TSHZ2: variants seen among roughly 807,000 people sequenced by gnomAD.
The protein encoded by TSHZ2 is teashirt homolog 2.
Under a neutral mutation model 74.4 loss-of-function variants are expected in TSHZ2, and 21 were observed. The observed-to-expected ratio is 0.28, with a 90% confidence interval of 0.20 to 0.41. TSHZ2 has a LOEUF of 0.41. Among genes scored for constraint, TSHZ2 ranks in the 10% least tolerant of loss-of-function variants. TSHZ2 has a pLI of 1.00. For synonymous variants in TSHZ2, 540 were observed against 515.3 expected (o/e 1.05, Z -0.65); for missense variants, 1,244 against 1,293.5 (o/e 0.96, Z 0.59).
At chr20:53,359,411 AT>A (rs757122706) in intron 2 of TSHZ2, among the ~76,000 whole-genome samples, 53 of 152,196 alleles carry the variant, frequency 3.5e-4, no homozygotes, top group Non-Finnish European at 7.6e-4. Context: ...TGATTCTCAA[AT>A]CAAAAAATCT....
chr20:53,266,772 ATTTT>A (rs11344692), intron 2 of TSHZ2, among the ~76,000 whole-genome samples: 2 of 98,758 alleles, frequency 2.0e-5, no homozygotes, highest in Non-Finnish European at 3.9e-5. Context: ...CCGATCGACG[ATTTT>A]TTTTTTTTTT....
At chr20:53,031,135 T>G (rs1344102019) in intron 1 of TSHZ2, among the ~76,000 whole-genome samples, 1 of 152,188 alleles carries the variant, frequency 6.6e-6, no homozygotes, top group Non-Finnish European at 1.5e-5. Flanking sequence ...AAATTATGCC[T>G]GTTTAATGCT....
chr20:53,058,012 T>A (rs1984697590), intron 1 of TSHZ2, among the ~76,000 whole-genome samples: 1 of 152,120 alleles, frequency 6.6e-6, no homozygotes, highest in Non-Finnish European at 1.5e-5. Flanking sequence ...GGTAGGGGGA[T>A]GATTTCAGGA....
At chr20:53,081,671 A>G (rs1190696360) in intron 1 of TSHZ2, among the ~76,000 whole-genome samples, 2 of 152,142 alleles carry the variant, frequency 1.3e-5, no homozygotes, top group African/African-American at 4.8e-5. Context: ...CGGTGTTTAT[A>G]AATTTTTTCA....
intron 1 of TSHZ2, among the ~76,000 whole-genome samples, chr20:53,132,702 T>A (rs2123390003): frequency 6.6e-6 from 1 of 152,314 alleles, no homozygotes. Context: ...AAGACCTGCA[T>A]CATCTTGCTG....
chr20:53,313,027 C>A (rs1250937512), intron 2 of TSHZ2, among the ~76,000 whole-genome samples: 1 of 152,088 alleles, frequency 6.6e-6, no homozygotes, highest in Admixed American at 6.5e-5. Context: ...ATGTAATGTC[C>A]AAATATTATG....
chr20:53,081,573 A>G (rs1441094260), intron 1 of TSHZ2, among the ~76,000 whole-genome samples: 1 of 152,194 alleles, frequency 6.6e-6, no homozygotes, highest in Non-Finnish European at 1.5e-5. Flanking sequence ...TGCTGTTACA[A>G]CGCTGTAGGA....
At chr20:53,011,369 C>G (rs963341528) in intron 1 of TSHZ2, among the ~76,000 whole-genome samples, 1 of 152,158 alleles carries the variant, frequency 6.6e-6, no homozygotes, top group Non-Finnish European at 1.5e-5. Context: ...ATTATTAATA[C>G]CTTTATTTCC....
intron 2 of TSHZ2, among the ~76,000 whole-genome samples, chr20:53,409,591 AT>A (rs1309480863): frequency 6.6e-6 from 1 of 152,098 alleles, no homozygotes; most frequent in Non-Finnish European, 1.5e-5. Flanking sequence ...TGTTTTCAGG[AT>A]GTTGTTTGAT....
At chr20:53,291,994 A>T (rs899538592) in intron 2 of TSHZ2, among the ~76,000 whole-genome samples, 7 of 89,684 alleles carry the variant, frequency 7.8e-5, no homozygotes, top group African/African-American at 1.6e-4. Flanking sequence ...GATAGCATTT[A>T]AAAAAAAAAA....
intron 2 of TSHZ2, among the ~76,000 whole-genome samples, chr20:53,451,554 A>ATTCT (rs1245960563): frequency 6.6e-6 from 1 of 152,114 alleles, no homozygotes; most frequent in East Asian, 1.9e-4. Flanking sequence ...TATTTCCTTA[A>ATTCT]TTCTTTATCT....
intron 1 of TSHZ2, among the ~76,000 whole-genome samples, chr20:53,105,764 A>T (rs1986344983): frequency 1.3e-5 from 2 of 152,030 alleles, no homozygotes; most frequent in Non-Finnish European, 2.9e-5. Flanking sequence ...CTCCCACCTC[A>T]GCCTCCTGAG....
At chr20:53,420,105 C>T (rs1983414576) in intron 2 of TSHZ2, among the ~76,000 whole-genome samples, 1 of 152,220 alleles carries the variant, frequency 6.6e-6, no homozygotes, top group Admixed American at 6.5e-5. Flanking sequence ...ATGCTGCACT[C>T]CTGGTGTTCA....
At chr20:53,092,824 A>C (rs1985924217) in intron 1 of TSHZ2, among the ~76,000 whole-genome samples, 1 of 152,126 alleles carries the variant, frequency 6.6e-6, no homozygotes, top group Admixed American at 6.5e-5. Context: ...TAGACCACGG[A>C]TTGGCAAACT....
At chr20:53,463,297 G>A (rs919471810) in intron 2 of TSHZ2, among the ~76,000 whole-genome samples, 2 of 151,712 alleles carry the variant, frequency 1.3e-5, no homozygotes, top group African/African-American at 4.8e-5. Flanking sequence ...AGAGACAGGA[G>A]AATCACATGA....
chr20:53,122,970 C>G (rs1268687076), intron 1 of TSHZ2, among the ~76,000 whole-genome samples: 1 of 152,164 alleles, frequency 6.6e-6, no homozygotes, highest in African/African-American at 2.4e-5. Context: ...GGGGGAGGTA[C>G]TGGGTATTTC....
chr20:53,190,070 A>C (rs1436069189), intron 1 of TSHZ2, among the ~76,000 whole-genome samples: 21 of 106,338 alleles, frequency 2.0e-4, no homozygotes, highest in African/African-American at 7.1e-4. Context: ...GGGTGACCAA[A>C]CAAGACCCTG....
rs556294886 is a variant in TSHZ2, at chr20:53,087,250, T to G, written c.40+113917T>G. 5.3e-5 allele frequency among the ~76,000 whole-genome samples: 8 copies of G among 152,316 alleles called. No individual in the cohort carries two copies. In the East Asian group the frequency reaches 1.5e-3, roughly 29 times the overall value. On this transcript the variant is annotated intron_variant, in intron 1 of 2. Coordinates refer to ENST00000371497, the MANE Select transcript of TSHZ2 (RefSeq NM_173485.6). ...CTTTTCCAAGTAAACAAGTAGTTACTCCAAGGGATATTTCCAGGAGATTCT... is the reference window on the plus strand; with the variant it reads ...CTTTTCCAAGTAAACAAGTAGTTACGCCAAGGGATATTTCCAGGAGATTCT...
intron 1 of TSHZ2, among the ~76,000 whole-genome samples, chr20:53,235,632 T>C (rs1220995136): frequency 6.6e-6 from 1 of 152,214 alleles, no homozygotes; most frequent in African/African-American, 2.4e-5. Flanking sequence ...ACACAGTAGG[T>C]ACTTGAAGAA....
Sources: gnomAD v4.1 joint callset for allele counts (sites outside exome capture counted in the v4.1 genomes callset) on GRCh38, gnomAD v4.1.1 for gene constraint, MANE v1.5 for transcripts, NCBI Gene and HGNC (gene_info 2026-07-23, HGNC 2026-07-21) for gene names.